Variants in IMMP2L observed in about 807,000 individuals in gnomAD.
The protein encoded by IMMP2L is inner mitochondrial membrane peptidase subunit 2.
IMMP2L carries 18 observed loss-of-function variants against 19.3 expected under a neutral mutation model. The ratio of observed to expected loss-of-function variants is 0.93; its 90% CI spans 0.64 to 1.38. The LOEUF (loss-of-function observed/expected upper bound fraction) is 1.38. Among genes scored for constraint, IMMP2L ranks in the 40% most tolerant of loss-of-function variants. The pLI, the probability that IMMP2L is intolerant of heterozygous loss-of-function variation, is 0.00. For missense variants in IMMP2L, 233 were observed against 218.2 expected, an observed-to-expected ratio of 1.07 and a Z score of -0.43; for synonymous variants, 76 against 73.0, an observed-to-expected ratio of 1.04 and a Z score of -0.21.
chr7:110,778,173 C>A (rs1469690409), intron 5 of IMMP2L, among the ~76,000 whole-genome samples: 2 of 151,832 alleles, frequency 1.3e-5, no homozygotes, highest in Non-Finnish European at 2.9e-5. Flanking sequence ...GACAGAGAGT[C>A]TAGAAGCTTT....
Position 111,214,322 on chromosome 7 carries a change from A to ATT in IMMP2L, c.240-250759_240-250758dup, listed in dbSNP as rs1204773622. 5.8e-4 allele frequency among the ~76,000 whole-genome samples: 45 copies of ATT among 77,694 alleles called. 3 individuals are homozygous for ATT. The highest frequency in any genetic ancestry group is 8.6e-4 in the Non-Finnish European group (29 of 33,576). 51.0% of individuals were successfully genotyped at this position (77,694 alleles called of 152,430 possible). A position where few individuals can be genotyped will look rare whatever the true frequency, so the allele number is the denominator to read the frequency against. On this transcript the variant is annotated intron_variant, in intron 3 of 5. Coordinates refer to ENST00000405709, the MANE Select transcript of IMMP2L (RefSeq NM_032549.4). ...AATCCAGTGAATGAATGACAAAGTA[A>ATT]TTTTTCTTCTTTTTTTTTTTTTTTT...
intron 3 of IMMP2L, among the ~76,000 whole-genome samples, chr7:111,243,644 C>A (rs1312838174): frequency 8.6e-6 from 1 of 116,672 alleles, no homozygotes; most frequent in African/African-American, 3.3e-5. Context: ...TTAGGTATAT[C>A]TCCCAATGCT....
At chr7:110,832,783 T>C (rs1388456071) in intron 5 of IMMP2L, among the ~76,000 whole-genome samples, 1 of 152,050 alleles carries the variant, frequency 6.6e-6, no homozygotes, top group Non-Finnish European at 1.5e-5. Context: ...AGTATGAGAA[T>C]GCAGAGGGAG....
intron 3 of IMMP2L, among the ~76,000 whole-genome samples, chr7:111,208,525 A>G (rs1244645529): frequency 6.6e-6 from 1 of 152,230 alleles, no homozygotes; most frequent in Non-Finnish European, 1.5e-5. Flanking sequence ...ATGTTTGTTA[A>G]AGCTATGAAG....
intron 3 of IMMP2L, among the ~76,000 whole-genome samples, chr7:111,352,823 T>A (rs536317717): frequency 4.6e-5 from 7 of 152,132 alleles, no homozygotes. Context: ...CAGTGAACTA[T>A]CTGTAGTCTT....
chr7:111,252,450 C>A lies in IMMP2L; in HGVS notation c.239+234788G>T, dbSNP rs118140729. On this transcript the variant is annotated intron_variant, in intron 3 of 5. Transcript: ENST00000405709. The stretch of plus-strand genomic sequence containing the variant: ...TTATTATGGCAGATAAACAAGTACC[C>A]TAAATATTGTCATAAGTATAATTTA... Among the ~76,000 whole-genome samples the A allele has an allele frequency of 4.1e-3, 616 of 152,098 alleles. 9 individuals carry two copies. Among genetic ancestry groups the A allele is most frequent in the South Asian group, 0.037 (175 of 4,780 alleles).
intron 3 of IMMP2L, among the ~76,000 whole-genome samples, chr7:111,023,987 G>T (rs1419672638): frequency 6.6e-6 from 1 of 152,092 alleles, no homozygotes; most frequent in Non-Finnish European, 1.5e-5. Flanking sequence ...GTAAGAAAAA[G>T]CAAACTATTA....
intron 5 of IMMP2L, among the ~76,000 whole-genome samples, chr7:110,705,914 G>A (rs909507964): frequency 1.5e-4 from 23 of 151,966 alleles, no homozygotes; most frequent in Admixed American, 2.0e-4. Context: ...TTATGGCTGC[G>A]TAGTATTCCA....
chr7:111,480,597 C>CAAAAAA (rs925037556), intron 3 of IMMP2L, among the ~76,000 whole-genome samples: 6 of 55,056 alleles, frequency 1.1e-4, no homozygotes, highest in African/African-American at 3.0e-4. Context: ...ATTTTACTGT[C>CAAAAAA]AAAAAAAAAA....
chr7:110,807,787 C>T (rs1470090867), intron 5 of IMMP2L, among the ~76,000 whole-genome samples: 2 of 151,946 alleles, frequency 1.3e-5, no homozygotes, highest in African/African-American at 4.8e-5. Flanking sequence ...ATTCTGTATG[C>T]AAATCTTGTC....
chr7:111,109,864 G>T (rs550792129), intron 3 of IMMP2L, among the ~76,000 whole-genome samples: 1 of 152,150 alleles, frequency 6.6e-6, no homozygotes, highest in Non-Finnish European at 1.5e-5. Flanking sequence ...GGCTGGGCGC[G>T]GTGGCTCATG....
intron 3 of IMMP2L, among the ~76,000 whole-genome samples, chr7:111,458,875 A>C: frequency 6.6e-6 from 1 of 152,206 alleles, no homozygotes; most frequent in Non-Finnish European, 1.5e-5. Flanking sequence ...ATACACTATT[A>C]GAATTCAAAA....
intron 3 of IMMP2L, among the ~76,000 whole-genome samples, chr7:111,005,127 A>G (rs1221400539): frequency 1.3e-5 from 2 of 152,040 alleles, no homozygotes; most frequent in Non-Finnish European, 2.9e-5. Flanking sequence ...CTATATTCCT[A>G]TTTTGGAGGC....
intron 5 of IMMP2L, among the ~76,000 whole-genome samples, chr7:110,859,892 T>A (rs1807211523): frequency 6.6e-6 from 1 of 152,108 alleles, no homozygotes. Context: ...TTACAGACCA[T>A]CCTTCACAAT....
At chr7:110,882,287 G>GCCTGCCTT (rs1387853201) in intron 5 of IMMP2L, among the ~76,000 whole-genome samples, 10 of 122,068 alleles carry the variant, frequency 8.2e-5, no homozygotes, top group African/African-American at 2.7e-4. Flanking sequence ...TTTGTCAAGT[G>GCCTGCCTT]CCTTCCTTCC....
At chr7:111,041,611 C>T (rs1218139419) in intron 3 of IMMP2L, among the ~76,000 whole-genome samples, 1 of 151,420 alleles carries the variant, frequency 6.6e-6, no homozygotes, top group Non-Finnish European at 1.5e-5. Context: ...GTGTGTTTGT[C>T]ACCAGTCACT....
At chr7:110,991,744 T>C (rs758157810) in intron 3 of IMMP2L, among the ~76,000 whole-genome samples, 26 of 152,136 alleles carry the variant, frequency 1.7e-4, no homozygotes, top group Admixed American at 5.2e-4. Context: ...ACTACTACAA[T>C]GACTTCCTAT....
At chr7:111,538,920 G>T (rs535607420) in intron 1 of IMMP2L, among the ~76,000 whole-genome samples, 1 of 149,590 alleles carries the variant, frequency 6.7e-6, no homozygotes, top group South Asian at 2.1e-4. Flanking sequence ...GGATGTTCAA[G>T]ACCAGCCTGG....
At chr7:110,770,627 C>T (rs549205729) in intron 5 of IMMP2L, among the ~76,000 whole-genome samples, 11 of 152,078 alleles carry the variant, frequency 7.2e-5, no homozygotes, top group African/African-American at 2.2e-4. Context: ...ATACAGCAAA[C>T]GTTCCTATTG....
Sources: gnomAD v4.1 joint callset for allele counts (sites outside exome capture counted in the v4.1 genomes callset) on GRCh38, gnomAD v4.1.1 for gene constraint, MANE v1.5 for transcripts, NCBI Gene and HGNC (gene_info 2026-07-23, HGNC 2026-07-21) for gene names.